Variants in EXOC5 observed in about 807,000 individuals in gnomAD.
The protein encoded by EXOC5 is exocyst complex component 5.
In EXOC5, 17 loss-of-function variants were observed where a neutral mutation model predicts 90.8. That is an observed-to-expected ratio of 0.19 (90% CI 0.13 to 0.28). EXOC5 has a LOEUF of 0.28. EXOC5 is among the 10% of genes least tolerant of loss of function. EXOC5 has a pLI of 1.00. For synonymous variants in EXOC5, 260 were observed against 270.0 expected (o/e 0.96, Z 0.36); for missense variants, 569 against 830.6 (o/e 0.69, Z 3.87).
At chr14:57,213,386 C>T (rs1882881841) in intron 15 of EXOC5, among the ~76,000 whole-genome samples, 1 of 151,604 alleles carries the variant, frequency 6.6e-6, no homozygotes, top group Non-Finnish European at 1.5e-5. Flanking sequence ...TATCTCTAAA[C>T]AAATTTTTTT....
chr14:57,231,605 A>G lies in EXOC5; in HGVS notation c.1049T>C (p.Ile350Thr), dbSNP rs1220752755. The part of the protein sequence containing the change: ...SIFISYLENY[I>T]EVETGYLKSR... ...TTTCAAATATCCAGTCTCCACCTCA[A>G]TATAGTTCTCCAAATAGGAAATGAA... The change falls in exon 11 of 18, where the codon ATT becomes ACT. Residue 350 changes from isoleucine to threonine, a missense_variant. This residue lies in a region of EXOC5 where 69 missense variants were observed against 115.5 expected (regional missense o/e 0.60). Coordinates refer to ENST00000621441, the MANE Select transcript of EXOC5 (RefSeq NM_006544.4). 21 of 1,613,068 alleles carry G rather than the reference A, an allele frequency of 1.3e-5. No individual in the cohort carries two copies. The highest frequency in any genetic ancestry group is 1.8e-5 in the Non-Finnish European group (21 of 1,179,288).
chr14:57,263,739 TAAAAAA>T (rs550651836), intron 1 of EXOC5, among the ~76,000 whole-genome samples: 4 of 39,354 alleles, frequency 1.0e-4, no homozygotes, highest in African/African-American at 3.1e-4. Flanking sequence ...CACTCCAGCC[TAAAAAA>T]AAAAAAAAAA....
intron 1 of EXOC5, among the ~76,000 whole-genome samples, chr14:57,250,108 G>A (rs1044053374): frequency 2.6e-5 from 4 of 152,092 alleles, no homozygotes; most frequent in African/African-American, 9.7e-5. Context: ...CACCAGGCAA[G>A]GCCTTTCTAA....
chr14:57,242,133 A>G (rs1177776618), intron 4 of EXOC5, among the ~76,000 whole-genome samples: 6 of 142,660 alleles, frequency 4.2e-5, no homozygotes, highest in Admixed American at 1.4e-4. Flanking sequence ...ACTCCGTCTG[A>G]AAAAAAAAAA....
chr14:57,219,179 T>A (rs1302066184), intron 14 of EXOC5, 143 bp downstream of exon 14: 2 of 429,480 alleles, frequency 4.7e-6, no homozygotes, highest in Non-Finnish European at 8.1e-6. Flanking sequence ...TAAGAACTTT[T>A]ATATTTTTAT....
rs1566720475 is a variant in EXOC5, at chr14:57,201,470, G to GTGTATA, written c.*7138_*7139insTATACA. 1 of 143,382 alleles carries GTGTATA rather than the reference G, an allele frequency of 7.0e-6. No homozygotes were observed. The highest frequency in any genetic ancestry group is 2.6e-5 in the African/African-American group (1 of 38,138). 8.9% of individuals were successfully genotyped at this position (143,382 alleles called of 1,614,324 possible). ...TGTATATATACACACGCGTGTATAT[G>GTGTATA]TACACACACGTGTATAAACACACGT... On this transcript the variant is annotated 3_prime_UTR_variant, in exon 18 of 18. Transcript: ENST00000621441.
rs187794052 is a variant in EXOC5 at position 57,245,176 on chromosome 14, A to G, written c.271-817T>C. On this transcript the variant is annotated intron_variant, in intron 3 of 17. Coordinates refer to ENST00000621441, the MANE Select transcript of EXOC5 (RefSeq NM_006544.4). ...AATATTCTTTCCCTTCTCCCAGGGT[A>G]CACTGATTGTCCTGTGGCATATGGA... is the stretch of plus-strand genomic sequence containing the variant. 5.4e-4 allele frequency among the ~76,000 whole-genome samples: 82 copies of G among 152,274 alleles called. 1 individual carries two copies. In the South Asian group the frequency reaches 0.011, roughly 21 times the overall value.
In EXOC5 at chr14:57,231,730, G is replaced by C; in HGVS notation, c.939-15C>G. On this transcript the variant is annotated splice_polypyrimidine_tract_variant and intron_variant, in intron 10 of 17. Coordinates refer to ENST00000621441, the MANE Select transcript of EXOC5 (RefSeq NM_006544.4). ...GATTGGTGGTTCTTTTCATGAAAAA[G>C]GGGGAGAAAAAGATTAATATACATT... The C allele has an allele frequency of 1.3e-6, 2 of 1,538,162 alleles. No homozygotes were observed. Among genetic ancestry groups the C allele is most frequent in the African/African-American group, 1.4e-5 (1 of 72,394 alleles).
chr14:57,254,981 G>A (rs922027441), intron 1 of EXOC5, among the ~76,000 whole-genome samples: 7 of 152,188 alleles, frequency 4.6e-5, no homozygotes, highest in Admixed American at 3.9e-4. Flanking sequence ...AAGACAGACA[G>A]ATACATGAAA....
intron 15 of EXOC5, among the ~76,000 whole-genome samples, chr14:57,210,742 A>T (rs901797022): frequency 3.9e-5 from 6 of 152,154 alleles, no homozygotes; most frequent in African/African-American, 1.4e-4. Flanking sequence ...TCACTCACAC[A>T]TAAGTACTTA....
rs1486028033 is a variant in EXOC5, at chr14:57,204,876, A to T, written c.*3733T>A. ...TTTGTAATATAAATACTACAATAAG[A>T]ATCATATTGGAAGCAACGATTAAGC... On this transcript the variant is annotated 3_prime_UTR_variant, in exon 18 of 18. Coordinates refer to ENST00000621441, the MANE Select transcript of EXOC5 (RefSeq NM_006544.4). The T allele has an allele frequency of 4.6e-5, 7 of 152,338 alleles. 1 individual carries two copies. The South Asian group carries it at 1.0e-3, about 23-fold the overall frequency. 9.4% of individuals were successfully genotyped at this position (152,338 alleles called of 1,614,324 possible).
chr14:57,242,261 T>G lies in EXOC5; in HGVS notation c.465+1904A>C, dbSNP rs954534976. 3.3e-5 allele frequency among the ~76,000 whole-genome samples: 5 copies of G among 152,078 alleles called. No homozygotes were observed. In the East Asian group the frequency reaches 9.7e-4, roughly 29 times the overall value. ...CAGAATATGAGAAGATTCTTTTTTT[T>G]CTTGAGACAGGGTCTGTCTGTCACC... On this transcript the variant is annotated intron_variant, in intron 4 of 17. Transcript: ENST00000621441.
Position 57,233,827 on chromosome 14 carries a change from C to T in EXOC5, c.771G>A (p.Val257=), listed in dbSNP as rs751910677. The T allele has an allele frequency of 2.4e-5, 38 of 1,606,794 alleles. No individual in the cohort carries two copies. Among genetic ancestry groups the T allele is most frequent in the Non-Finnish European group, 6.0e-6 (7 of 1,173,724 alleles). Residue 257 remains valine (V), a synonymous_variant, in exon 9 of 18, where the codon GTG becomes GTA. Transcript: ENST00000621441. The part of the protein sequence containing the change: ...FEDAGILCQR[V]NKQVGDIFSN... ...TGAAGATATCTCCAACTTGTTTGTT[C>T]ACTCTTTGACAGAGTATTCCAGCGT...
At chr14:57,221,292 A>C (rs1345687710) in intron 13 of EXOC5, among the ~76,000 whole-genome samples, 1 of 152,136 alleles carries the variant, frequency 6.6e-6, no homozygotes, top group African/African-American at 2.4e-5. Flanking sequence ...AGTGAGAAGA[A>C]ATGCAATGAG....
intron 5 of EXOC5, 81 bp downstream of exon 5, chr14:57,239,514 G>A: frequency 1.2e-6 from 1 of 852,634 alleles, no homozygotes; most frequent in Non-Finnish European, 1.8e-6. Flanking sequence ...AATGGGCAAA[G>A]AAAATCATAC....
chr14:57,240,862 CT>C (rs945502258), intron 4 of EXOC5, among the ~76,000 whole-genome samples: 2 of 151,572 alleles, frequency 1.3e-5, no homozygotes, highest in Non-Finnish European at 1.5e-5. Flanking sequence ...TTTATTTTCT[CT>C]TTTTTTTGAG....
chr14:57,226,137 C>G (rs1883300480), intron 12 of EXOC5, among the ~76,000 whole-genome samples: 1 of 152,186 alleles, frequency 6.6e-6, no homozygotes, highest in Non-Finnish European at 1.5e-5. Flanking sequence ...GATAAGTTAT[C>G]AATTTACATT....
chr14:57,225,392 T>TA (rs1339682684), intron 12 of EXOC5, among the ~76,000 whole-genome samples: 1 of 152,186 alleles, frequency 6.6e-6, no homozygotes, highest in Non-Finnish European at 1.5e-5. Flanking sequence ...GGTGAACGAT[T>TA]AAATAATTTA....
rs567836756 is a variant in EXOC5, at chr14:57,237,335, T to C, written c.559+3A>G. 1.4e-6 allele frequency: 2 copies of C among 1,462,186 alleles called. No individual in the cohort carries two copies. The highest frequency in any genetic ancestry group is 2.5e-5 in the East Asian group (1 of 40,370). 90.6% of individuals were successfully genotyped at this position (1,462,186 alleles called of 1,614,324 possible). ...AAAAAGGTAAAATAAATACATCACT[T>C]ACTTGCAATTTTGGATTTAACTTCT... On this transcript the variant is annotated splice_donor_region_variant and intron_variant, in intron 6 of 17. Transcript: ENST00000621441.
Sources: allele counts gnomAD v4.1 joint callset (sites outside exome capture counted in the v4.1 genomes callset), GRCh38; gene constraint gnomAD v4.1.1; regional missense constraint gnomAD v4.1.1; transcripts MANE v1.5; gene names NCBI Gene and HGNC (gene_info 2026-07-23, HGNC 2026-07-21).